Variants in GPC5 observed in about 807,000 individuals in gnomAD.
The protein encoded by GPC5 is glypican 5, also known as glypican-5.
In GPC5, 47 loss-of-function variants were observed where a neutral mutation model predicts 53.9. The observed-to-expected ratio is 0.87, with a 90% CI of 0.69 to 1.11. GPC5 has a LOEUF of 1.11. GPC5 is among the 50% of genes most tolerant of loss of function. GPC5 has a pLI of 0.00. For missense variants in GPC5, 748 were observed against 713.1 expected, an observed-to-expected ratio of 1.05 and a Z score of -0.56; for synonymous variants, 286 against 263.3, an observed-to-expected ratio of 1.09 and a Z score of -0.84.
chr13:92,033,347 T>A (rs1020361269), intron 6 of GPC5, among the ~76,000 whole-genome samples: 12 of 152,166 alleles, frequency 7.9e-5, no homozygotes, highest in African/African-American at 2.7e-4. Flanking sequence ...AGTTTGTATC[T>A]TAATGCCAGT....
chr13:92,188,414 T>C (rs887205755), intron 7 of GPC5, among the ~76,000 whole-genome samples: 2 of 152,158 alleles, frequency 1.3e-5, no homozygotes, highest in African/African-American at 4.8e-5. Context: ...AATTGCATCT[T>C]ACAAGAGAGA....
At chr13:91,810,189 A>T (rs946225221) in intron 5 of GPC5, among the ~76,000 whole-genome samples, 2 of 152,022 alleles carry the variant, frequency 1.3e-5, no homozygotes, top group Non-Finnish European at 2.9e-5. Flanking sequence ...AGTGTGTTAA[A>T]TATGACCAGG....
intron 7 of GPC5, among the ~76,000 whole-genome samples, chr13:92,424,840 A>C (rs2139366912): frequency 6.6e-6 from 1 of 151,988 alleles, no homozygotes; most frequent in African/African-American, 2.4e-5. Context: ...TCATTCATTC[A>C]TTCATTGAAC....
chr13:92,795,629 A>G (rs1012383641), intron 7 of GPC5, among the ~76,000 whole-genome samples: 3 of 152,170 alleles, frequency 2.0e-5, no homozygotes, highest in African/African-American at 2.4e-5. Flanking sequence ...CAATATACTC[A>G]TCTGACAAAG....
At chr13:92,017,772 G>A (rs528603661) in intron 6 of GPC5, among the ~76,000 whole-genome samples, 1 of 150,946 alleles carries the variant, frequency 6.6e-6, no homozygotes, top group East Asian at 2.0e-4. Context: ...ACACACACGT[G>A]CATGAGTACA....
intron 7 of GPC5, among the ~76,000 whole-genome samples, chr13:92,536,508 T>C (rs1368503264): frequency 1.3e-5 from 2 of 152,150 alleles, no homozygotes; most frequent in Non-Finnish European, 2.9e-5. Context: ...TTTATACAGG[T>C]GGCGCTGAGA....
At chr13:92,648,590 T>C (rs1885849491) in intron 7 of GPC5, among the ~76,000 whole-genome samples, 1 of 152,160 alleles carries the variant, frequency 6.6e-6, no homozygotes, top group African/African-American at 2.4e-5. Flanking sequence ...ATTTCATTTC[T>C]AATTAAACTC....
intron 5 of GPC5, among the ~76,000 whole-genome samples, chr13:91,849,058 A>G (rs1031904270): frequency 3.3e-5 from 5 of 152,194 alleles, no homozygotes; most frequent in Non-Finnish European, 7.4e-5. Context: ...GCTTATTGAA[A>G]GGAGGTGGTC....
At chr13:92,533,348 T>C (rs1353703181) in intron 7 of GPC5, among the ~76,000 whole-genome samples, 1 of 152,184 alleles carries the variant, frequency 6.6e-6, no homozygotes, top group Non-Finnish European at 1.5e-5. Flanking sequence ...GAAATGCCCC[T>C]TCAATTCTTT....
rs571337694 is a variant in GPC5, at chr13:92,593,828, A to G, written c.1562-272454A>G. On this transcript the variant is annotated intron_variant, in intron 7 of 7. Coordinates refer to ENST00000377067, the MANE Select transcript of GPC5 (RefSeq NM_004466.6). ...ATGGCAAGTAAGACGTAACCTTGAC[A>G]AAGGTATTTCAGTGGATTTGTAGGG... Among the ~76,000 whole-genome samples, 18 of 152,330 alleles carry G rather than the reference A, an allele frequency of 1.2e-4. No homozygotes were observed. The South Asian group carries it at 3.7e-3, about 32-fold the overall frequency.
chr13:91,484,424 G>A (rs757352689), intron 2 of GPC5, among the ~76,000 whole-genome samples: 2 of 152,144 alleles, frequency 1.3e-5, no homozygotes, highest in African/African-American at 2.4e-5. Context: ...TCTGAGCCAA[G>A]CTCTACCCTA....
intron 7 of GPC5, among the ~76,000 whole-genome samples, chr13:92,284,386 T>G (rs2042938356): frequency 6.6e-6 from 1 of 152,116 alleles, no homozygotes; most frequent in African/African-American, 2.4e-5. Flanking sequence ...CCTAACTCAT[T>G]TTATGAGGCC....
At position 91,896,662 on chromosome 13, in the gene GPC5, C is replaced by T. The variant is rs187405124; in HGVS notation, c.1281-11275C>T. On this transcript the variant is annotated intron_variant, in intron 5 of 7. Transcript: ENST00000377067. ...TGTGGAATCTCTAGGTCATCTAGAC[C>T]GGAAACTTCCATTCTATTTAGACTC... Among the ~76,000 whole-genome samples the T allele has an allele frequency of 2.8e-3, 427 of 152,194 alleles. 2 individuals carry two copies. The highest frequency in any genetic ancestry group is 9.2e-3 in the African/African-American group (384 of 41,534).
intron 1 of GPC5, among the ~76,000 whole-genome samples, chr13:91,417,525 G>A (rs1210344801): frequency 2.6e-5 from 4 of 152,174 alleles, no homozygotes; most frequent in Non-Finnish European, 5.9e-5. Context: ...TGAGAAGGTC[G>A]AGGTAAGGGA....
rs189817074 is a variant in GPC5, at chr13:92,578,767, C to A, written c.1562-287515C>A. ...ATACCCAGGAATAATGTTTTGCCAG[C>A]TATCTGTGTATTCCTGAACCCAGTC... is the stretch of plus-strand genomic sequence containing the variant. On this transcript the variant is annotated intron_variant, in intron 7 of 7. Transcript: ENST00000377067. 7.2e-5 allele frequency among the ~76,000 whole-genome samples: 11 copies of A among 152,318 alleles called. No homozygotes were observed. In the South Asian group the frequency reaches 1.9e-3, roughly 26 times the overall value.
chr13:91,479,070 G>T lies in GPC5; in HGVS notation c.325+30148G>T, dbSNP rs539747797. On this transcript the variant is annotated intron_variant, in intron 2 of 7. Transcript: ENST00000377067. ...TGGGACTACAGGTGCCTGCCACCAC[G>T]CCTGGCTAATTTTTTGTATTTTAGT... Among the ~76,000 whole-genome samples the T allele has an allele frequency of 4.3e-4, 65 of 150,820 alleles. No individual in the cohort carries two copies. The South Asian group carries it at 0.013, about 31-fold the overall frequency.
intron 7 of GPC5, among the ~76,000 whole-genome samples, chr13:92,376,450 T>C (rs1246273464): frequency 3.3e-5 from 5 of 152,150 alleles, no homozygotes; most frequent in Non-Finnish European, 4.4e-5. Context: ...AATCACTTTG[T>C]TTCCAAAGCA....
chr13:92,015,585 C>G (rs2040699630), intron 6 of GPC5, among the ~76,000 whole-genome samples: 1 of 152,044 alleles, frequency 6.6e-6, no homozygotes, highest in African/African-American at 2.4e-5. Flanking sequence ...GGTAGTAAAA[C>G]TCAAAGAGAT....
chr13:91,667,959 T>C (rs1396224651), intron 2 of GPC5, among the ~76,000 whole-genome samples: 1 of 152,246 alleles, frequency 6.6e-6, no homozygotes, highest in East Asian at 1.9e-4. Flanking sequence ...TTCTTCTTTG[T>C]TCTATTTTCT....
Sources: allele counts gnomAD v4.1 joint callset (sites outside exome capture counted in the v4.1 genomes callset), GRCh38; gene constraint gnomAD v4.1.1; transcripts MANE v1.5; gene names NCBI Gene and HGNC (gene_info 2026-07-23, HGNC 2026-07-21).